CFAP20DC: variants seen among roughly 807,000 people sequenced by gnomAD.
The protein encoded by CFAP20DC is CFAP20 domain containing.
Under a neutral mutation model 101.7 loss-of-function variants are expected in CFAP20DC, and 84 were observed. The ratio of observed to expected loss-of-function variants is 0.83; its 90% CI spans 0.69 to 0.99. The LOEUF (loss-of-function observed/expected upper bound fraction) is 0.99, where lower values mean the gene tolerates loss of function less well. CFAP20DC is among the 50% of genes least tolerant of loss of function. The pLI, the probability that CFAP20DC is intolerant of heterozygous loss-of-function variation, is 0.00. For synonymous variants in CFAP20DC, 359 were observed against 351.2 expected, an observed-to-expected ratio of 1.02 and a Z score of -0.25; for missense variants, 1,007 against 970.3, an observed-to-expected ratio of 1.04 and a Z score of -0.50.
chr3:58,941,352 A>G (rs1278882367), intron 4 of CFAP20DC, among the ~76,000 whole-genome samples: 1 of 150,854 alleles, frequency 6.6e-6, no homozygotes, highest in Non-Finnish European at 1.5e-5. Flanking sequence ...AAAAAAAAAA[A>G]AAAAGAAAAT....
chr3:58,919,020 C>G (rs865788914), intron 5 of CFAP20DC, among the ~76,000 whole-genome samples: 3 of 152,138 alleles, frequency 2.0e-5, no homozygotes, highest in Non-Finnish European at 4.4e-5. Flanking sequence ...TTGACCACAT[C>G]ATACTCCTGC....
intron 15 of CFAP20DC, among the ~76,000 whole-genome samples, chr3:58,759,117 A>T (rs2069266919): frequency 6.6e-6 from 1 of 152,064 alleles, no homozygotes; most frequent in South Asian, 2.1e-4. Flanking sequence ...CGCCACACTG[A>T]CTTCCACAAT....
chr3:58,804,027 T>C (rs918583741), intron 15 of CFAP20DC, among the ~76,000 whole-genome samples: 4 of 152,170 alleles, frequency 2.6e-5, no homozygotes, highest in African/African-American at 9.7e-5. Flanking sequence ...TTATGAAGTA[T>C]GCTTTCTATA....
intron 12 of CFAP20DC, among the ~76,000 whole-genome samples, chr3:58,853,203 C>A (rs1437990643): frequency 2.6e-5 from 4 of 152,296 alleles, no homozygotes; most frequent in African/African-American, 4.8e-5. Context: ...ATACTACAAA[C>A]ACCTCTACGC....
Position 58,863,797 on chromosome 3 carries a change from G to T in CFAP20DC, c.1354C>A (p.His452Asn), listed in dbSNP as rs1239844114. ...TCTTTGCTGGCTTCCAGCCACAGGT[G>T]TGATGGGTTGCAGGAGTCATCACCC... is the stretch of plus-strand genomic sequence containing the variant. ...LLGDDSCNPS[H>N]LWLEASKESE... The change falls in exon 12 of 17, where the codon CAC becomes AAC. Residue 452 changes from histidine (H) to asparagine (N), a missense_variant. Coordinates refer to ENST00000482387, the MANE Select transcript of CFAP20DC (RefSeq NM_001394063.1). The surrounding 1 kb of genome is among the most constrained non-coding windows in gnomAD (Gnocchi z 5.9). 6.2e-7 allele frequency: 1 copy of T among 1,614,222 alleles called. No homozygotes were observed.
At chr3:58,901,460 T>A (rs2083138017) in intron 6 of CFAP20DC, among the ~76,000 whole-genome samples, 1 of 152,298 alleles carries the variant, frequency 6.6e-6, no homozygotes. Flanking sequence ...CTGTAAATCA[T>A]GGACACAAAA....
chr3:58,935,149 A>G (rs1231135181), intron 5 of CFAP20DC, among the ~76,000 whole-genome samples: 1 of 152,232 alleles, frequency 6.6e-6, no homozygotes, highest in Non-Finnish European at 1.5e-5. Flanking sequence ...AGAGAGCCAA[A>G]TCATGAGTGA....
At position 58,848,508 on chromosome 3, in the gene CFAP20DC, C is replaced by G. The variant is rs1297994547; in HGVS notation, c.1971+524G>C. ...AGTACTAATACAGGAAGGAAAAAAT[C>G]AATCTGATGGACACGAATACAGCCA... On this transcript the variant is annotated intron_variant, in intron 13 of 16. Transcript: ENST00000482387. 5.3e-5 allele frequency among the ~76,000 whole-genome samples: 8 copies of G among 152,224 alleles called. No individual in the cohort carries two copies. The South Asian group carries it at 1.7e-3, about 32-fold the overall frequency.
At chr3:59,013,869 T>C (rs928380857) in intron 4 of CFAP20DC, among the ~76,000 whole-genome samples, 4 of 152,138 alleles carry the variant, frequency 2.6e-5, no homozygotes, top group African/African-American at 7.2e-5. Flanking sequence ...AAAAACTACA[T>C]AAATTACATG....
At chr3:58,822,586 A>AT (rs950066021) in intron 14 of CFAP20DC, among the ~76,000 whole-genome samples, 3 of 152,076 alleles carry the variant, frequency 2.0e-5, no homozygotes, top group Admixed American at 6.5e-5. Flanking sequence ...TTAAAGTATA[A>AT]TAAAAAAAAA....
At position 58,732,528 on chromosome 3, in the gene CFAP20DC, T is replaced by C. The variant is rs1187668451; in HGVS notation, c.198-14900A>G. On this transcript the variant is annotated intron_variant, in intron 3 of 3. Coordinates refer to the CFAP20DC transcript ENST00000486145. The surrounding 1 kb of genome is among the most constrained non-coding windows in gnomAD (Gnocchi z 5.4). ...CTTTCAGAAAGCATTATAATAAATT[T>C]ATAGTGCACACTATTTTAGAGGCTG... is the stretch of plus-strand genomic sequence containing the variant. 1.3e-5 allele frequency among the ~76,000 whole-genome samples: 2 copies of C among 152,220 alleles called. No individual in the cohort carries two copies. The highest frequency in any genetic ancestry group is 1.5e-5 in the Non-Finnish European group (1 of 68,036).
At chr3:58,901,869 T>A (rs892003187) in intron 6 of CFAP20DC, among the ~76,000 whole-genome samples, 1 of 152,212 alleles carries the variant, frequency 6.6e-6, no homozygotes, top group African/African-American at 2.4e-5. Context: ...TTTCAGACAT[T>A]TCTATCACTC....
intron 4 of CFAP20DC, among the ~76,000 whole-genome samples, chr3:59,003,043 A>G (rs1435025918): frequency 6.6e-6 from 1 of 152,182 alleles, no homozygotes; most frequent in African/African-American, 2.4e-5. Flanking sequence ...AAGCGTTTCA[A>G]GAGATACCAG....
intron 13 of CFAP20DC, among the ~76,000 whole-genome samples, chr3:58,837,411 G>A (rs1470339053): frequency 6.6e-6 from 1 of 152,200 alleles, no homozygotes; most frequent in Non-Finnish European, 1.5e-5. Context: ...ACACAGAAGA[G>A]TACATATTGG....
At chr3:58,737,172 A>C (rs1342259183), downstream of CFAP20DC, 3 of 456,502 alleles carry the variant, frequency 6.6e-6, no homozygotes. This position sits in a 1 kb window ranked among gnomAD's most constrained non-coding sequence, Gnocchi z 4.1. Context: ...TTGGATGAAA[A>C]GTGGGTCTAA....
intron 4 of CFAP20DC, among the ~76,000 whole-genome samples, chr3:58,948,692 C>A (rs559675191): frequency 3.5e-3 from 536 of 152,128 alleles, no homozygotes; most frequent in Non-Finnish European, 5.4e-3. Flanking sequence ...TCGGTTTGCC[C>A]GTATTTTATT....
chr3:58,718,765 T>C (rs2067429889), intron 3 of CFAP20DC, among the ~76,000 whole-genome samples: 1 of 152,216 alleles, frequency 6.6e-6, no homozygotes, highest in Non-Finnish European at 1.5e-5. Flanking sequence ...ATTGTGGAAA[T>C]ATCCTGGTCC....
intron 6 of CFAP20DC, among the ~76,000 whole-genome samples, chr3:58,908,153 C>A (rs1163637974): frequency 6.6e-6 from 1 of 152,188 alleles, no homozygotes; most frequent in Non-Finnish European, 1.5e-5. Context: ...CTTCCACCTC[C>A]CTTATCCCAA....
chr3:58,928,927 T>TA (rs938022705), intron 5 of CFAP20DC, among the ~76,000 whole-genome samples: 1 of 152,226 alleles, frequency 6.6e-6, no homozygotes, highest in Non-Finnish European at 1.5e-5. Context: ...TCCTTTTTTT[T>TA]ATATTCTCTA....
Sources: allele counts gnomAD v4.1 joint callset (sites outside exome capture counted in the v4.1 genomes callset), GRCh38; gene constraint gnomAD v4.1.1; non-coding constraint Gnocchi (gnomAD v3.1); transcripts MANE v1.5; gene names NCBI Gene and HGNC (gene_info 2026-07-23, HGNC 2026-07-21).